Variants in LRP12 observed in about 807,000 individuals in gnomAD.
LRP12 encodes low-density lipoprotein receptor-related protein 12.
Under a neutral mutation model 66.0 loss-of-function variants are expected in LRP12, and 14 were observed. The ratio of observed to expected loss-of-function variants is 0.21; its 90% CI spans 0.14 to 0.33. LRP12 has a LOEUF of 0.33. Ranked by LOEUF, LRP12 falls within the 10% of genes least tolerant of loss-of-function variation. The pLI, the probability that LRP12 is intolerant of heterozygous loss-of-function variation, is 1.00. For missense variants in LRP12, 889 were observed against 1,053.4 expected, an observed-to-expected ratio of 0.84 and a Z score of 2.16; for synonymous variants, 357 against 359.1, an observed-to-expected ratio of 0.99 and a Z score of 0.07.
Position 104,490,276 on chromosome 8 carries a change from T to C in LRP12, c.*397A>G, listed in dbSNP as rs2140823647. ...ACATCTAGTATATTAAGTTACAAGA[T>C]GTGTTGGCAAAAGCATAAACGTTTC... On this transcript the variant is annotated 3_prime_UTR_variant, in exon 7 of 7. Coordinates refer to ENST00000276654, the MANE Select transcript of LRP12 (RefSeq NM_013437.5). The C allele has an allele frequency of 6.3e-6, 1 of 159,346 alleles. No individual in the cohort carries two copies. The highest frequency in any genetic ancestry group is 1.9e-4 in the East Asian group (1 of 5,350). 9.9% of individuals were successfully genotyped at this position (159,346 alleles called of 1,614,324 possible). A position where few individuals can be genotyped will look rare whatever the true frequency, so the allele number is the denominator to read the frequency against.
At chr8:104,555,913 CA>C (rs1310843331) in intron 1 of LRP12, among the ~76,000 whole-genome samples, 1 of 152,072 alleles carries the variant, frequency 6.6e-6, no homozygotes, top group African/African-American at 2.4e-5. Flanking sequence ...TGAAAGGCCA[CA>C]AACGAGTCTC....
rs775717491 is a variant in LRP12 at position 104,518,992 on chromosome 8, T to A, written c.137-9918A>T. 3.7e-4 allele frequency among the ~76,000 whole-genome samples: 57 copies of A among 152,094 alleles called. 1 individual carries two copies. The highest frequency in any genetic ancestry group is 1.3e-4 in the Admixed American group (2 of 15,242). ...AGGCAAGTGACCAACTGTTGGAATC[T>A]GCAAGAAAAATAAGTTAGAGTACTA... is the stretch of plus-strand genomic sequence containing the variant. On this transcript the variant is annotated intron_variant, in intron 2 of 6. Transcript: ENST00000276654.
At chr8:104,555,405 A>G (rs918305572) in intron 1 of LRP12, among the ~76,000 whole-genome samples, 2 of 152,170 alleles carry the variant, frequency 1.3e-5, no homozygotes, top group African/African-American at 4.8e-5. Context: ...CCAACCACGT[A>G]TCTGCTGTCT....
At chr8:104,560,662 T>C (rs537344582) in intron 1 of LRP12, among the ~76,000 whole-genome samples, 3 of 152,292 alleles carry the variant, frequency 2.0e-5, no homozygotes, top group South Asian at 2.1e-4. Context: ...AACATACATA[T>C]CTCTCAAAAT....
Position 104,531,953 on chromosome 8 carries a change from A to T in LRP12, c.90T>A (p.Ala30=), listed in dbSNP as rs748155984. The part of the protein sequence containing the change: ...LFLAGVYGNG[A]LAEHSENVHI... ...GCACATTTTCAGAATGTTCTGCAAG[A>T]GCACCATTTCCTAAAATTAAACATA... Residue 30 remains alanine, a synonymous_variant, in exon 2 of 7, where the codon GCT becomes GCA. Coordinates refer to ENST00000276654, the MANE Select transcript of LRP12 (RefSeq NM_013437.5). The T allele has an allele frequency of 6.3e-7, 1 of 1,586,492 alleles. No individual in the cohort carries two copies. The highest frequency in any genetic ancestry group is 1.2e-5 in the South Asian group (1 of 86,078).
chr8:104,524,293 T>C (rs1318540379), intron 2 of LRP12, among the ~76,000 whole-genome samples: 1 of 150,138 alleles, frequency 6.7e-6, no homozygotes, highest in Non-Finnish European at 1.5e-5. Context: ...ATAACGTACA[T>C]ATATTTAATT....
At position 104,588,980 on chromosome 8, in the gene LRP12, C is replaced by CGCCGCCGCA. The variant is rs1812389644; in HGVS notation, c.-84_-83insTGCGGCGGC. On this transcript the variant is annotated 5_prime_UTR_variant, in exon 1 of 7. Coordinates refer to ENST00000276654, the MANE Select transcript of LRP12 (RefSeq NM_013437.5). ...AGGTAGACGACGCCGACGCCGCCGCCGCCGCCGCCGCCGCCGCCGAGCCAC... is the reference window on the plus strand; with the variant it reads ...AGGTAGACGACGCCGACGCCGCCGCCGCCGCCGCAGCCGCCGCCGCCGCCGCCGAGCCAC... 4 of 752,086 alleles carry CGCCGCCGCA rather than the reference C, an allele frequency of 5.3e-6. No individual in the cohort carries two copies. Among genetic ancestry groups the CGCCGCCGCA allele is most frequent in the Non-Finnish European group, 8.1e-6 (4 of 491,720 alleles). The allele number at this position is 752,086 out of a possible 1,614,324, so 46.6% of individuals were successfully genotyped here.
chr8:104,502,280 T>C lies in LRP12; in HGVS notation c.273-2761A>G, dbSNP rs534266275. ...GCCCTATACTCGGTCTCCCCTGTGA[T>C]GGACAGGATTCAAACTCCACATGCT... is the stretch of plus-strand genomic sequence containing the variant. On this transcript the variant is annotated intron_variant, in intron 3 of 6. Transcript: ENST00000276654. Among the ~76,000 whole-genome samples, 20 of 152,316 alleles carry C rather than the reference T, an allele frequency of 1.3e-4. No homozygotes were observed. In the South Asian group the frequency reaches 1.7e-3, roughly 13 times the overall value.
At chr8:104,544,086 TAAG>T (rs1811519401) in intron 1 of LRP12, among the ~76,000 whole-genome samples, 1 of 152,112 alleles carries the variant, frequency 6.6e-6, no homozygotes, top group Non-Finnish European at 1.5e-5. Flanking sequence ...ACACAAATGA[TAAG>T]AAAGCAAAAC....
chr8:104,526,884 A>G (rs1161071585), intron 2 of LRP12, among the ~76,000 whole-genome samples: 1 of 143,796 alleles, frequency 7.0e-6, no homozygotes, highest in East Asian at 2.0e-4. Flanking sequence ...CTACCATCAG[A>G]GTGAACAGGC....
At chr8:104,585,992 A>G (rs1297063993) in intron 1 of LRP12, among the ~76,000 whole-genome samples, 2 of 152,238 alleles carry the variant, frequency 1.3e-5, no homozygotes, top group Non-Finnish European at 2.9e-5. Flanking sequence ...AGCCTAGGAC[A>G]ATGCGTAGCA....
In LRP12 at chr8:104,490,736, G is replaced by A; in HGVS notation, c.2517C>T (p.Asp839=). 1.9e-6 allele frequency: 3 copies of A among 1,614,058 alleles called. No individual in the cohort carries two copies. Among genetic ancestry groups the A allele is most frequent in the Non-Finnish European group, 2.5e-6 (3 of 1,179,996 alleles). The change falls in exon 7 of 7, where the codon GAC becomes GAT. Residue 839 remains aspartate (D), a synonymous_variant. Transcript: ENST00000276654. The part of the protein sequence containing the change: ...CGIVHTAQIP[D]TCLEVTLKNE... Reference sequence around the variant, plus strand: ...TTTTCAGTGTTACTTCTAAGCAAGTGTCTGGTATCTGGGCAGTGTGGACAA... The same window carrying A: ...TTTTCAGTGTTACTTCTAAGCAAGTATCTGGTATCTGGGCAGTGTGGACAA...
At chr8:104,495,358 G>A in intron 5 of LRP12, 149 bp from the exon 6 acceptor site, 1 of 730,098 alleles carries the variant, frequency 1.4e-6, no homozygotes, top group Non-Finnish European at 2.2e-6. Context: ...CTGAATATAT[G>A]TATTATCCCT....
rs1478763546 is a variant in LRP12 at position 104,589,035 on chromosome 8, G to A, written c.-138C>T. On this transcript the variant is annotated 5_prime_UTR_variant, in exon 1 of 7. Transcript: ENST00000276654. ...TGCTCCCTGCGCTCTCCGCGGCTGC[G>A]GGAGGGGGAAGGGAGGGGCCGCCGC... The A allele has an allele frequency of 2.1e-6, 1 of 484,306 alleles. No individual in the cohort carries two copies. Among genetic ancestry groups the A allele is most frequent in the Non-Finnish European group, 3.3e-6 (1 of 302,936 alleles). 30.0% of individuals were successfully genotyped at this position (484,306 alleles called of 1,614,324 possible).
At chr8:104,510,902 T>C (rs1380300184) in intron 2 of LRP12, among the ~76,000 whole-genome samples, 1 of 152,014 alleles carries the variant, frequency 6.6e-6, no homozygotes, top group Non-Finnish European at 1.5e-5. Flanking sequence ...TGAATCAGTA[T>C]AGGCAAAATG....
chr8:104,538,737 G>A (rs1348382978), intron 1 of LRP12, among the ~76,000 whole-genome samples: 1 of 152,154 alleles, frequency 6.6e-6, no homozygotes, highest in Non-Finnish European at 1.5e-5. Context: ...CTTCCCACAC[G>A]ATGGAACTGT....
At chr8:104,545,972 T>C (rs1588499175) in intron 1 of LRP12, among the ~76,000 whole-genome samples, 1 of 152,214 alleles carries the variant, frequency 6.6e-6, no homozygotes, top group Non-Finnish European at 1.5e-5. Flanking sequence ...ACTCATATTA[T>C]GTATCAAGCA....
At chr8:104,584,796 T>C (rs1250552615) in intron 1 of LRP12, among the ~76,000 whole-genome samples, 1 of 152,244 alleles carries the variant, frequency 6.6e-6, no homozygotes, top group Non-Finnish European at 1.5e-5. Context: ...ACACATTTTA[T>C]GTAATCAAAC....
intron 2 of LRP12, among the ~76,000 whole-genome samples, chr8:104,509,317 T>C (rs1326138554): frequency 6.6e-6 from 1 of 152,228 alleles, no homozygotes; most frequent in Non-Finnish European, 1.5e-5. Context: ...TTGCTTTTCA[T>C]TGTTCAGTTA....
Sources: allele counts gnomAD v4.1 joint callset (sites outside exome capture counted in the v4.1 genomes callset), GRCh38; gene constraint gnomAD v4.1.1; transcripts MANE v1.5; gene names NCBI Gene and HGNC (gene_info 2026-07-23, HGNC 2026-07-21).